Variants in SEM1 observed in about 807,000 individuals in gnomAD.
SEM1 encodes SEM1 26S proteasome subunit.
In SEM1, 3 loss-of-function variants were observed where a neutral mutation model predicts 12.7. The ratio of observed to expected loss-of-function variants is 0.24; its 90% confidence interval spans 0.11 to 0.61. The LOEUF (loss-of-function observed/expected upper bound fraction) is 0.61. Among genes scored for constraint, SEM1 ranks in the 20% least tolerant of loss-of-function variants. SEM1 has a pLI of 0.88. For missense variants in SEM1, 59 were observed against 81.3 expected (o/e 0.73, Z 1.06); for synonymous variants, 30 against 27.8 (o/e 1.08, Z -0.25).
chr7:96,596,968 G>A (rs7796870), intron 2 of SEM1, among the ~76,000 whole-genome samples: 3,789 of 152,180 alleles, frequency 0.025, 131 homozygotes, highest in African/African-American at 0.087. Context: ...AAGGAATCTA[G>A]GTACATAAGA....
intron 2 of SEM1, among the ~76,000 whole-genome samples, chr7:96,517,402 A>G (rs1168684124): frequency 2.6e-5 from 4 of 152,150 alleles, no homozygotes; most frequent in Non-Finnish European, 5.9e-5. Flanking sequence ...CAACTTTAAA[A>G]AATGTTGCCA....
chr7:96,576,664 C>T (rs1806212854), intron 2 of SEM1, among the ~76,000 whole-genome samples: 1 of 152,148 alleles, frequency 6.6e-6, no homozygotes, highest in Non-Finnish European at 1.5e-5. Flanking sequence ...GCCTCTACCT[C>T]TCTTTCCTCA....
intron 2 of SEM1, among the ~76,000 whole-genome samples, chr7:96,655,356 A>G (rs899586780): frequency 6.6e-6 from 1 of 152,076 alleles, no homozygotes; most frequent in African/African-American, 2.4e-5. Flanking sequence ...TTCCACTTAC[A>G]TTGATCAGCT....
intron 2 of SEM1, among the ~76,000 whole-genome samples, chr7:96,683,386 A>C (rs1789672540): frequency 6.6e-6 from 1 of 151,976 alleles, no homozygotes; most frequent in Non-Finnish European, 1.5e-5. Flanking sequence ...AGGAAACAAC[A>C]GATGCCAGAG....
intron 2 of SEM1, among the ~76,000 whole-genome samples, chr7:96,644,392 T>G (rs2116407122): frequency 6.6e-6 from 1 of 152,168 alleles, no homozygotes; most frequent in South Asian, 2.1e-4. Flanking sequence ...TTCTGTAAGG[T>G]TTGGTTTCCT....
intron 2 of SEM1, among the ~76,000 whole-genome samples, chr7:96,507,617 G>A (rs1021087667): frequency 6.6e-6 from 1 of 152,054 alleles, no homozygotes; most frequent in Non-Finnish European, 1.5e-5. Flanking sequence ...GTGGATGATG[G>A]CTACTATCCC....
chr7:96,677,220 C>G (rs991776034), intron 2 of SEM1, among the ~76,000 whole-genome samples: 2 of 152,052 alleles, frequency 1.3e-5, no homozygotes, highest in African/African-American at 4.8e-5. Context: ...TCTCAGGAGT[C>G]GTCTCTAAAT....
At chr7:96,597,808 C>T (rs1007156876) in intron 2 of SEM1, among the ~76,000 whole-genome samples, 1 of 152,016 alleles carries the variant, frequency 6.6e-6, no homozygotes, top group African/African-American at 2.4e-5. Context: ...ACCTAGTTAT[C>T]TTCTGCCCAT....
chr7:96,671,173 G>C (rs1165003364), downstream of SEM1, among the ~76,000 whole-genome samples: 2 of 152,108 alleles, frequency 1.3e-5, no homozygotes, highest in African/African-American at 4.8e-5. Flanking sequence ...AAGACACCTT[G>C]AAAAAACAAC....
At chr7:96,615,400 G>A (rs1783436165) in intron 2 of SEM1, among the ~76,000 whole-genome samples, 2 of 151,724 alleles carry the variant, frequency 1.3e-5, no homozygotes, top group African/African-American at 2.4e-5. Context: ...GATTACAGGC[G>A]CCTACCACCA....
chr7:96,678,922 T>C (rs1254402553), intron 2 of SEM1, among the ~76,000 whole-genome samples: 1 of 152,172 alleles, frequency 6.6e-6, no homozygotes, highest in African/African-American at 2.4e-5. Flanking sequence ...TTTGATACAA[T>C]AGTCTTGGTC....
At chr7:96,675,879 T>A (rs1411105258) in intron 2 of SEM1, among the ~76,000 whole-genome samples, 1 of 152,208 alleles carries the variant, frequency 6.6e-6, no homozygotes, top group Non-Finnish European at 1.5e-5. Flanking sequence ...GCCAGAGATG[T>A]CCTAGCTTCA....
chr7:96,572,891 C>T (rs1233842267), intron 2 of SEM1, among the ~76,000 whole-genome samples: 1 of 152,148 alleles, frequency 6.6e-6, no homozygotes, highest in Non-Finnish European at 1.5e-5. Context: ...GTGTTAAAGT[C>T]TCCCACTATT....
chr7:96,689,549 A>G (rs1789863547), intron 2 of SEM1, among the ~76,000 whole-genome samples: 1 of 152,228 alleles, frequency 6.6e-6, no homozygotes, highest in Admixed American at 6.5e-5. Flanking sequence ...TTAAAGTATG[A>G]TTAATATGCT....
chr7:96,672,435 GT>G (rs1292400094), downstream of SEM1: 2 of 152,174 alleles, frequency 1.3e-5, no homozygotes, highest in Non-Finnish European at 2.9e-5. Flanking sequence ...TCCCTGCTGA[GT>G]TTTTCCTCAC....
intron 2 of SEM1, among the ~76,000 whole-genome samples, chr7:96,667,586 C>T (rs1470887399): frequency 6.6e-6 from 1 of 152,048 alleles, no homozygotes; most frequent in Non-Finnish European, 1.5e-5. Flanking sequence ...ATGAATGTCA[C>T]CGCTGGAGGT....
chr7:96,650,679 T>TGG (rs1321670255), intron 2 of SEM1, among the ~76,000 whole-genome samples: 5 of 141,670 alleles, frequency 3.5e-5, no homozygotes, highest in African/African-American at 1.5e-4. Flanking sequence ...CACACACAGA[T>TGG]GCGCGCACAC....
intron 2 of SEM1, among the ~76,000 whole-genome samples, chr7:96,512,395 C>G (rs11973695): frequency 1.3e-5 from 2 of 152,000 alleles, no homozygotes; most frequent in African/African-American, 4.8e-5. Flanking sequence ...CAAGTACACA[C>G]GAACTACTAA....
At chr7:96,634,381 C>T (rs1808363212) in intron 2 of SEM1, among the ~76,000 whole-genome samples, 1 of 151,740 alleles carries the variant, frequency 6.6e-6, no homozygotes, top group Non-Finnish European at 1.5e-5. Flanking sequence ...AAATAAGAAA[C>T]AAAAACATAG....
Sources: gnomAD v4.1 joint callset for allele counts (sites outside exome capture counted in the v4.1 genomes callset) on GRCh38, gnomAD v4.1.1 for gene constraint, MANE v1.5 for transcripts, NCBI Gene and HGNC (gene_info 2026-07-23, HGNC 2026-07-21) for gene names.